The following CSRNP3 variants were observed in gnomAD, a reference collection of about 807,000 sequenced individuals.
The protein encoded by CSRNP3 is cysteine/serine-rich nuclear protein 3.
In CSRNP3, 12 loss-of-function variants were observed where a neutral mutation model predicts 48.0. The observed-to-expected ratio is 0.25, with a 90% CI of 0.16 to 0.41. The LOEUF is 0.41. CSRNP3 is among the 10% of genes least tolerant of loss of function. The pLI is 1.00. For missense variants in CSRNP3, 580 were observed against 724.4 expected (o/e 0.80, Z 2.29); for synonymous variants, 263 against 269.7 (o/e 0.98, Z 0.24).
At chr2:165,477,498 A>G (rs890857179) in intron 1 of CSRNP3, among the ~76,000 whole-genome samples, 4 of 112,044 alleles carry the variant, frequency 3.6e-5, no homozygotes, top group African/African-American at 1.4e-4. Context: ...ATATATATAT[A>G]ATACAAATAT....
At chr2:165,532,558 C>T (rs1489014982) in intron 3 of CSRNP3, among the ~76,000 whole-genome samples, 1 of 152,024 alleles carries the variant, frequency 6.6e-6, no homozygotes, top group South Asian at 2.1e-4. Context: ...TGGGACGTAT[C>T]TCAAAATAAT....
chr2:165,543,460 T>G (rs1327229039), intron 3 of CSRNP3, among the ~76,000 whole-genome samples: 1 of 152,170 alleles, frequency 6.6e-6, no homozygotes, highest in African/African-American at 2.4e-5. Context: ...ATTACCACAT[T>G]TCCAATATTA....
rs1558977198 is a variant in CSRNP3, at chr2:165,687,292, G to A, written c.*7539G>A. The A allele has an allele frequency of 6.6e-6, 1 of 152,000 alleles. No homozygotes were observed. Among genetic ancestry groups the A allele is most frequent in the Non-Finnish European group, 1.5e-5 (1 of 67,986 alleles). The allele number at this position is 152,000 out of a possible 1,614,324, so 9.4% of individuals were successfully genotyped here. A position where few individuals can be genotyped will look rare whatever the true frequency, so the allele number is the denominator to read the frequency against. The stretch of plus-strand genomic sequence containing the variant: ...AACATGACCAACTTTTGACAAATAT[G>A]GCTGTACTAGGTTTTCATTTTTGCT... On this transcript the variant is annotated 3_prime_UTR_variant, in exon 7 of 7. Transcript: ENST00000651982.
rs147646992 is a variant in CSRNP3, at chr2:165,658,866, A to ATT, written c.408+847_408+848dup. ...TGGGTCCCTGCCACAACACATGGGA[A>ATT]TTATGGGAGTTACAATTCAAGATGA... On this transcript the variant is annotated intron_variant, in intron 5 of 6. Coordinates refer to ENST00000651982, the MANE Select transcript of CSRNP3 (RefSeq NM_001172173.2). Among the ~76,000 whole-genome samples the ATT allele has an allele frequency of 6.4e-3, 971 of 152,260 alleles. 5 individuals carry two copies. The highest frequency in any genetic ancestry group is 9.7e-3 in the Non-Finnish European group (660 of 68,024).
chr2:165,475,204 G>A (rs553534836), intron 1 of CSRNP3, among the ~76,000 whole-genome samples: 14 of 152,126 alleles, frequency 9.2e-5, no homozygotes, highest in Non-Finnish European at 1.9e-4. Flanking sequence ...AAAAAAAGAC[G>A]TCTTTGTTCT....
chr2:165,579,453 A>G lies in CSRNP3; in HGVS notation c.-23-15590A>G, dbSNP rs575021996. Among the ~76,000 whole-genome samples the G allele has an allele frequency of 3.0e-4, 45 of 152,136 alleles. 1 individual carries two copies. Among genetic ancestry groups the G allele is most frequent in the African/African-American group, 1.0e-3 (43 of 41,504 alleles). On this transcript the variant is annotated intron_variant, in intron 3 of 6. Transcript: ENST00000651982. ...AGGCTTTTCAAATTTCCATCTTTGTACCTCTGCTCTACTATTTTTCCATTC... is the reference window on the plus strand; with the variant it reads ...AGGCTTTTCAAATTTCCATCTTTGTGCCTCTGCTCTACTATTTTTCCATTC...
rs34250536 is a variant in CSRNP3 at position 165,544,622 on chromosome 2, C to T, written c.-24+26661C>T. On this transcript the variant is annotated intron_variant, in intron 3 of 6. Transcript: ENST00000651982. Reference sequence around the variant, plus strand: ...GGTTTGATTCTGAATATATTTTGAACGTAGATCCAACAGGATTTGCTGATA... The same window carrying T: ...GGTTTGATTCTGAATATATTTTGAATGTAGATCCAACAGGATTTGCTGATA... Among the ~76,000 whole-genome samples, 192 of 151,932 alleles carry T rather than the reference C, an allele frequency of 1.3e-3. 1 individual carries two copies. The highest frequency in any genetic ancestry group is 2.5e-4 in the Non-Finnish European group (17 of 67,978).
chr2:165,569,602 C>A (rs573880766), intron 3 of CSRNP3, among the ~76,000 whole-genome samples: 97 of 152,000 alleles, frequency 6.4e-4, no homozygotes, highest in African/African-American at 2.3e-3. Context: ...TTAAAACATC[C>A]TTTTAATCTT....
chr2:165,594,826 A>C (rs1018475213), intron 3 of CSRNP3, among the ~76,000 whole-genome samples: 1 of 152,170 alleles, frequency 6.6e-6, no homozygotes, highest in Non-Finnish European at 1.5e-5. Context: ...AAAATATAAA[A>C]ACCTTTTGGT....
At chr2:165,528,919 T>C (rs1684774781) in intron 3 of CSRNP3, among the ~76,000 whole-genome samples, 1 of 152,172 alleles carries the variant, frequency 6.6e-6, no homozygotes, top group African/African-American at 2.4e-5. Flanking sequence ...GGTGCCACTG[T>C]AGCCACCCAA....
chr2:165,598,840 A>T (rs1412007421), intron 4 of CSRNP3, among the ~76,000 whole-genome samples: 1 of 152,186 alleles, frequency 6.6e-6, no homozygotes, highest in African/African-American at 2.4e-5. Context: ...CTTTTAATTT[A>T]ATAGTGCTTT....
intron 3 of CSRNP3, among the ~76,000 whole-genome samples, chr2:165,590,987 T>C (rs1349340095): frequency 1.3e-5 from 2 of 152,120 alleles, no homozygotes; most frequent in African/African-American, 2.4e-5. Context: ...TGCAACAGTT[T>C]GGAGGGCTCA....
intron 2 of CSRNP3, among the ~76,000 whole-genome samples, chr2:165,508,842 C>G (rs185383092): frequency 8.6e-4 from 131 of 152,252 alleles, no homozygotes; most frequent in African/African-American, 2.9e-3. Flanking sequence ...ACAGTTTAGT[C>G]TGTCTTTCCC....
intron 1 of CSRNP3, among the ~76,000 whole-genome samples, chr2:165,479,978 A>G (rs1244294518): frequency 1.3e-5 from 2 of 151,836 alleles, no homozygotes; most frequent in Non-Finnish European, 2.9e-5. Context: ...CTGAACTCTT[A>G]TCTGGTCACT....
At chr2:165,614,262 A>G (rs1308333518) in intron 4 of CSRNP3, among the ~76,000 whole-genome samples, 1 of 152,068 alleles carries the variant, frequency 6.6e-6, no homozygotes, top group Non-Finnish European at 1.5e-5. Flanking sequence ...AACACTACTG[A>G]TATTTGTATG....
intron 3 of CSRNP3, among the ~76,000 whole-genome samples, chr2:165,521,222 G>C (rs137990765): frequency 7.2e-5 from 11 of 152,004 alleles, no homozygotes; most frequent in African/African-American, 2.7e-4. Context: ...CTGGTTGAAG[G>C]TTATGGGGGA....
In CSRNP3 at chr2:165,686,632, A is replaced by T. The variant is rs992342868; in HGVS notation, c.*6879A>T. 2 of 151,862 alleles carry T rather than the reference A, an allele frequency of 1.3e-5. No individual in the cohort carries two copies. The highest frequency in any genetic ancestry group is 2.4e-5 in the African/African-American group (1 of 41,316). The allele number at this position is 151,862 out of a possible 1,614,324, so 9.4% of individuals were successfully genotyped here. Reference sequence around the variant, plus strand: ...TTGTTTTTTAATTTATTTAGTGTTGATCCTTGAGTTATTTAATGGTATCCA... The same window carrying T: ...TTGTTTTTTAATTTATTTAGTGTTGTTCCTTGAGTTATTTAATGGTATCCA... On this transcript the variant is annotated 3_prime_UTR_variant, in exon 7 of 7. Coordinates refer to ENST00000651982, the MANE Select transcript of CSRNP3 (RefSeq NM_001172173.2).
At chr2:165,605,608 C>T (rs1685996821) in intron 4 of CSRNP3, among the ~76,000 whole-genome samples, 1 of 152,066 alleles carries the variant, frequency 6.6e-6, no homozygotes, top group Non-Finnish European at 1.5e-5. Flanking sequence ...AAGTTTTCCA[C>T]AATACATTTT....
intron 4 of CSRNP3, among the ~76,000 whole-genome samples, chr2:165,651,823 T>C (rs6728294): frequency 0.28 from 41,760 of 151,634 alleles, 6,137 homozygotes; most frequent in Non-Finnish European, 0.33. Flanking sequence ...GCCCGGCTAA[T>C]TTTTGTATTT....
Sources: allele counts gnomAD v4.1 joint callset (sites outside exome capture counted in the v4.1 genomes callset), GRCh38; gene constraint gnomAD v4.1.1; transcripts MANE v1.5; gene names NCBI Gene and HGNC (gene_info 2026-07-23, HGNC 2026-07-21).